Variants in LIMCH1 observed in about 807,000 individuals in gnomAD.
LIMCH1 encodes the protein LIM and calponin homology domains 1.
In LIMCH1, 113 loss-of-function variants were observed where a neutral mutation model predicts 176.5. That is an observed-to-expected ratio of 0.64 (90% CI 0.55 to 0.75). LIMCH1 has a LOEUF of 0.75. LIMCH1 is among the 30% of genes least tolerant of loss of function. LIMCH1 has a pLI of 0.00. For synonymous variants in LIMCH1, 619 were observed against 645.9 expected (o/e 0.96, Z 0.63); for missense variants, 1,674 against 1,814.9 (o/e 0.92, Z 1.41).
chr4:41,469,310 G>A (rs370005088), intron 1 of LIMCH1, among the ~76,000 whole-genome samples: 2 of 152,304 alleles, frequency 1.3e-5, no homozygotes, highest in Admixed American at 6.5e-5. Flanking sequence ...GCATATACAA[G>A]TATGGTTACA....
At chr4:41,628,417 T>TA (rs34078359) in intron 8 of LIMCH1, among the ~76,000 whole-genome samples, 2,678 of 133,636 alleles carry the variant, frequency 0.02, 40 homozygotes, top group Middle Eastern at 0.066. Flanking sequence ...AAGAACTTAT[T>TA]AAAAAAAAAA....
At chr4:41,600,047 C>T (rs1034498663) in intron 2 of LIMCH1, among the ~76,000 whole-genome samples, 1 of 151,944 alleles carries the variant, frequency 6.6e-6, no homozygotes, top group African/African-American at 2.4e-5. Context: ...AAAATGAGAA[C>T]TACTGGATAA....
chr4:41,588,902 C>T (rs1161073842), intron 1 of LIMCH1, among the ~76,000 whole-genome samples: 1 of 152,164 alleles, frequency 6.6e-6, no homozygotes, highest in Non-Finnish European at 1.5e-5. Flanking sequence ...CAGCTGATGT[C>T]CCTCCATATA....
intron 4 of LIMCH1, among the ~76,000 whole-genome samples, chr4:41,610,433 T>G (rs867457710): frequency 6.6e-6 from 1 of 152,254 alleles, no homozygotes. Context: ...AAGAGAGAGA[T>G]AGAGGAGTGT....
At chr4:41,454,974 G>T (rs927401087) in intron 1 of LIMCH1, among the ~76,000 whole-genome samples, 3 of 148,036 alleles carry the variant, frequency 2.0e-5, no homozygotes, top group Middle Eastern at 3.4e-3. Context: ...GTGTGTGTGT[G>T]TGTGTTTGTG....
chr4:41,640,323 A>C (rs1353068136), intron 14 of LIMCH1, among the ~76,000 whole-genome samples: 5 of 152,242 alleles, frequency 3.3e-5, no homozygotes, highest in Admixed American at 2.6e-4. Flanking sequence ...GATAGAATGG[A>C]TTTCTTCTTC....
chr4:41,454,135 C>A (rs753438642), intron 1 of LIMCH1, among the ~76,000 whole-genome samples: 1 of 152,068 alleles, frequency 6.6e-6, no homozygotes, highest in Non-Finnish European at 1.5e-5. Context: ...CATTCTCTCC[C>A]GTAAGTGCCT....
At chr4:41,380,400 G>T (rs952589192) in intron 1 of LIMCH1, among the ~76,000 whole-genome samples, 7 of 151,922 alleles carry the variant, frequency 4.6e-5, no homozygotes, top group African/African-American at 1.7e-4. Context: ...TCCTGCCCTG[G>T]CCTCCCAAAG....
At chr4:41,366,779 G>A (rs1375370893) in intron 1 of LIMCH1, among the ~76,000 whole-genome samples, 1 of 152,176 alleles carries the variant, frequency 6.6e-6, no homozygotes, top group Non-Finnish European at 1.5e-5. Flanking sequence ...TTCCATGTTT[G>A]CAATATTGAA....
intron 1 of LIMCH1, among the ~76,000 whole-genome samples, chr4:41,412,141 A>G (rs11735338): frequency 0.28 from 41,814 of 151,888 alleles, 6,596 homozygotes; most frequent in African/African-American, 0.42. Context: ...TGACCCATAG[A>G]TCTCATCCTC....
At chr4:41,511,445 C>T (rs2074915467) in intron 2 of LIMCH1, among the ~76,000 whole-genome samples, 1 of 152,236 alleles carries the variant, frequency 6.6e-6, no homozygotes, top group Admixed American at 6.5e-5. Context: ...GATGACAACC[C>T]TGATTTCAAC....
intron 1 of LIMCH1, among the ~76,000 whole-genome samples, chr4:41,426,315 CCGG>C (rs2061099908): frequency 6.6e-6 from 1 of 152,176 alleles, no homozygotes; most frequent in East Asian, 1.9e-4. Context: ...GCCACTGCGC[CCGG>C]CCCGTGAAAA....
chr4:41,547,863 G>GTGTGTATATA (rs774873739), intron 1 of LIMCH1, among the ~76,000 whole-genome samples: 1 of 93,222 alleles, frequency 1.1e-5, no homozygotes, highest in African/African-American at 4.4e-5. Flanking sequence ...TTGTGTGTGT[G>GTGTGTATATA]TATATATATA....
At chr4:41,604,688 G>A in intron 3 of LIMCH1, among the ~76,000 whole-genome samples, 1 of 152,046 alleles carries the variant, frequency 6.6e-6, no homozygotes. Context: ...TTTTAAGATA[G>A]CCTCATACTC....
At chr4:41,615,064 T>C (rs2091914236) in intron 5 of LIMCH1, among the ~76,000 whole-genome samples, 1 of 152,190 alleles carries the variant, frequency 6.6e-6, no homozygotes, top group African/African-American at 2.4e-5. Flanking sequence ...GCAAAGCATT[T>C]CTAAAATGTT....
At chr4:41,500,433 A>G (rs899826147) in intron 2 of LIMCH1, among the ~76,000 whole-genome samples, 2 of 152,156 alleles carry the variant, frequency 1.3e-5, no homozygotes, top group African/African-American at 4.8e-5. Flanking sequence ...ATTACCCTTA[A>G]TCGCTAAAAA....
chr4:41,538,350 G>A lies in LIMCH1; in HGVS notation c.-241G>A. 1.0e-6 allele frequency: 1 copy of A among 985,128 alleles called. No individual in the cohort carries two copies. Among genetic ancestry groups the A allele is most frequent in the Non-Finnish European group, 1.2e-6 (1 of 829,854 alleles). 61.0% of individuals were successfully genotyped at this position (985,128 alleles called of 1,614,324 possible). A position where few individuals can be genotyped will look rare whatever the true frequency, so the allele number is the denominator to read the frequency against. ...ATTGCGGAGCATGAGGACGTGTGGG[G>A]GTAAGTAAAATTCATTATAAAAGAA... On this transcript the variant is annotated splice_region_variant and 5_prime_UTR_variant, in exon 1 of 32. Transcript: ENST00000503057.
intron 18 of LIMCH1, among the ~76,000 whole-genome samples, chr4:41,654,197 A>G (rs960509315): frequency 4.6e-5 from 7 of 152,196 alleles, no homozygotes; most frequent in African/African-American, 1.7e-4. Context: ...AAGGCAATAT[A>G]TGTTAAATAG....
intron 20 of LIMCH1, among the ~76,000 whole-genome samples, chr4:41,665,505 T>G (rs2094791659): frequency 6.6e-6 from 1 of 152,198 alleles, no homozygotes; most frequent in Non-Finnish European, 1.5e-5. Flanking sequence ...TAAAAATTCC[T>G]TCTGAGGATA....
Sources: gnomAD v4.1 joint callset for allele counts (sites outside exome capture counted in the v4.1 genomes callset) on GRCh38, gnomAD v4.1.1 for gene constraint, MANE v1.5 for transcripts, NCBI Gene and HGNC (gene_info 2026-07-23, HGNC 2026-07-21) for gene names.